ITFG1: variants seen among roughly 807,000 people sequenced by gnomAD.
ITFG1 encodes integrin alpha FG-GAP repeat containing 1.
ITFG1 carries 34 observed loss-of-function variants against 81.8 expected under a neutral mutation model. The ratio of observed to expected loss-of-function variants is 0.42; its 90% CI spans 0.32 to 0.55. The LOEUF (loss-of-function observed/expected upper bound fraction) is 0.55. ITFG1 is among the 20% of genes least tolerant of loss of function. ITFG1 has a pLI of 0.17. For missense variants in ITFG1, 672 were observed against 755.4 expected, an observed-to-expected ratio of 0.89 and a Z score of 1.29; for synonymous variants, 285 against 270.6, an observed-to-expected ratio of 1.05 and a Z score of -0.52.
At chr16:47,447,390 T>G (rs1187735065) in intron 5 of ITFG1, among the ~76,000 whole-genome samples, 1 of 152,170 alleles carries the variant, frequency 6.6e-6, no homozygotes, top group Admixed American at 6.5e-5. Flanking sequence ...AACTAAAAGG[T>G]GAGTAAATTT....
chr16:47,419,823 G>A (rs1433762367), intron 6 of ITFG1, among the ~76,000 whole-genome samples: 1 of 151,878 alleles, frequency 6.6e-6, no homozygotes, highest in Non-Finnish European at 1.5e-5. Flanking sequence ...GGCTGGTCTT[G>A]AACTCCTGAT....
At chr16:47,325,266 T>C (rs1273938532) in intron 8 of ITFG1, among the ~76,000 whole-genome samples, 2 of 152,192 alleles carry the variant, frequency 1.3e-5, no homozygotes, top group African/African-American at 4.8e-5. Flanking sequence ...AAGATGTTCT[T>C]TGAAACCAAT....
chr16:47,366,466 G>A (rs1195378312), intron 7 of ITFG1, among the ~76,000 whole-genome samples: 1 of 152,198 alleles, frequency 6.6e-6, no homozygotes, highest in Non-Finnish European at 1.5e-5. Context: ...CTGAGAAGCA[G>A]AGGTGCCTAA....
intron 14 of ITFG1, among the ~76,000 whole-genome samples, chr16:47,179,626 A>G (rs932328547): frequency 1.3e-5 from 2 of 149,018 alleles, no homozygotes; most frequent in African/African-American, 5.2e-5. Context: ...ACCTTCATAA[A>G]GTTGTTTTTA....
intron 8 of ITFG1, among the ~76,000 whole-genome samples, chr16:47,353,890 C>G (rs1968001937): frequency 6.6e-6 from 1 of 151,924 alleles, no homozygotes; most frequent in Admixed American, 6.6e-5. Flanking sequence ...GAATCAGATA[C>G]AAATAATGAA....
chr16:47,317,303 T>C (rs557237448), intron 8 of ITFG1, among the ~76,000 whole-genome samples: 2 of 152,334 alleles, frequency 1.3e-5, no homozygotes, highest in South Asian at 4.1e-4. Flanking sequence ...TAAAGTGTTA[T>C]TGTTCTTGTC....
intron 10 of ITFG1, among the ~76,000 whole-genome samples, chr16:47,273,654 A>G (rs965487315): frequency 6.6e-6 from 1 of 152,188 alleles, no homozygotes; most frequent in Non-Finnish European, 1.5e-5. Flanking sequence ...TCTTTTGTAG[A>G]GGGAGGCCAA....
At chr16:47,310,915 C>T (rs567090244) in intron 10 of ITFG1, among the ~76,000 whole-genome samples, 9 of 152,180 alleles carry the variant, frequency 5.9e-5, no homozygotes, top group East Asian at 1.9e-4. Context: ...CCAGTGTCTT[C>T]GGTCTCAAAA....
intron 10 of ITFG1, among the ~76,000 whole-genome samples, chr16:47,271,085 G>T (rs1966334033): frequency 6.6e-6 from 1 of 152,058 alleles, no homozygotes; most frequent in South Asian, 2.1e-4. Flanking sequence ...AAAAATACAT[G>T]AAACTCTCAT....
At chr16:47,313,240 A>G (rs1199017805) in intron 9 of ITFG1, 1 of 152,234 alleles carries the variant, frequency 6.6e-6, no homozygotes, top group Non-Finnish European at 1.5e-5. Context: ...TTACCCTCCA[A>G]AAGAAACATT....
intron 8 of ITFG1, among the ~76,000 whole-genome samples, chr16:47,356,306 A>G (rs1435218872): frequency 1.3e-5 from 2 of 152,266 alleles, no homozygotes; most frequent in African/African-American, 4.8e-5. Flanking sequence ...ATGAAAAAGA[A>G]GCAAAGAGAC....
chr16:47,286,294 T>G (rs777646486), intron 10 of ITFG1, among the ~76,000 whole-genome samples: 3 of 152,128 alleles, frequency 2.0e-5, no homozygotes, highest in Non-Finnish European at 2.9e-5. Flanking sequence ...GTCAATTATA[T>G]GATATGATAA....
intron 4 of ITFG1, among the ~76,000 whole-genome samples, chr16:47,452,080 C>T (rs535058963): frequency 1.3e-4 from 20 of 152,114 alleles, no homozygotes; most frequent in Non-Finnish European, 2.6e-4. Flanking sequence ...TCTAGCGGGG[C>T]ACCGTTAAGA....
At chr16:47,216,060 C>T (rs1965620620) in intron 14 of ITFG1, among the ~76,000 whole-genome samples, 1 of 151,874 alleles carries the variant, frequency 6.6e-6, no homozygotes, top group African/African-American at 2.4e-5. Context: ...CTTTAAAAAT[C>T]ATGCTAAGTA....
At chr16:47,284,853 T>A (rs1966863770) in intron 10 of ITFG1, among the ~76,000 whole-genome samples, 1 of 152,222 alleles carries the variant, frequency 6.6e-6, no homozygotes, top group African/African-American at 2.4e-5. Context: ...AAAGCTTGTA[T>A]AATTTTCTTG....
intron 5 of ITFG1, among the ~76,000 whole-genome samples, chr16:47,437,794 G>C (rs1426574114): frequency 6.6e-6 from 1 of 152,228 alleles, no homozygotes; most frequent in Non-Finnish European, 1.5e-5. Context: ...GGTGATTTCT[G>C]CATTTCCAAC....
At chr16:47,226,671 T>TA (rs1406943548) in intron 13 of ITFG1, among the ~76,000 whole-genome samples, 1 of 151,968 alleles carries the variant, frequency 6.6e-6, no homozygotes, top group Non-Finnish European at 1.5e-5. Context: ...TGGTTTCTAT[T>TA]AAAACACTCC....
At chr16:47,426,123 G>T (rs1163670765) in intron 6 of ITFG1, 1 of 151,960 alleles carries the variant, frequency 6.6e-6, no homozygotes, top group Non-Finnish European at 1.5e-5. Context: ...CCAAATGCAG[G>T]ACTCGCTTAA....
At chr16:47,354,495 A>G (rs1968011899) in intron 8 of ITFG1, among the ~76,000 whole-genome samples, 1 of 152,152 alleles carries the variant, frequency 6.6e-6, no homozygotes, top group South Asian at 2.1e-4. Context: ...GGTCTTGTCA[A>G]GGATTTTTTT....
Sources: gnomAD v4.1 joint callset for allele counts (sites outside exome capture counted in the v4.1 genomes callset) on GRCh38, gnomAD v4.1.1 for gene constraint, MANE v1.5 for transcripts, NCBI Gene and HGNC (gene_info 2026-07-23, HGNC 2026-07-21) for gene names.